Variants in NDST3 observed in about 807,000 individuals in gnomAD.
NDST3 encodes N-deacetylase and N-sulfotransferase 3.
In NDST3, 58 loss-of-function variants were observed where a neutral mutation model predicts 96.1. The observed-to-expected ratio is 0.60, with a 90% CI of 0.49 to 0.75. The LOEUF is 0.75. Among genes scored for constraint, NDST3 ranks in the 30% least tolerant of loss-of-function variants. The probability of loss-of-function intolerance (pLI) is 0.00; values close to 1 mark genes in which losing one functional copy is unlikely to be tolerated. For synonymous variants in NDST3, 333 were observed against 359.7 expected (o/e 0.93, Z 0.84); for missense variants, 788 against 1,034.2 (o/e 0.76, Z 3.27).
intron 6 of NDST3, among the ~76,000 whole-genome samples, chr4:118,174,538 C>A (rs1041956712): frequency 6.6e-6 from 1 of 152,132 alleles, no homozygotes; most frequent in Non-Finnish European, 1.5e-5. Context: ...GAGATCTCAA[C>A]AGTGCTGCCC....
chr4:118,066,458 A>AT lies in NDST3; in HGVS notation c.981+11568dup, dbSNP rs1374369411. Among the ~76,000 whole-genome samples, 2 of 12,222 alleles carry AT rather than the reference A, an allele frequency of 1.6e-4. 1 individual carries two copies. The highest frequency in any genetic ancestry group is 2.5e-4 in the African/African-American group (2 of 8,050). The allele number at this position is 12,222 out of a possible 152,430, so 8.0% of individuals were successfully genotyped here. A position where few individuals can be genotyped will look rare whatever the true frequency, so the allele number is the denominator to read the frequency against. ...ATATATCATATGTTATATATTATAT[A>AT]TACATTATATATGTTATATATTATA... is the stretch of plus-strand genomic sequence containing the variant. On this transcript the variant is annotated intron_variant, in intron 2 of 13. Transcript: ENST00000296499.
At chr4:118,156,007 A>C (rs374775538) in intron 6 of NDST3, among the ~76,000 whole-genome samples, 3 of 152,340 alleles carry the variant, frequency 2.0e-5, no homozygotes, top group African/African-American at 7.2e-5. Context: ...TAATTCCTAC[A>C]TACTAAATAC....
chr4:118,090,110 T>C (rs927607091), intron 2 of NDST3, among the ~76,000 whole-genome samples: 4 of 151,884 alleles, frequency 2.6e-5, no homozygotes, highest in African/African-American at 9.7e-5. Context: ...CCTCACGACA[T>C]TGTCTTAAAG....
intron 6 of NDST3, among the ~76,000 whole-genome samples, chr4:118,144,473 C>A (rs1049129209): frequency 6.6e-6 from 1 of 152,202 alleles, no homozygotes; most frequent in Admixed American, 6.5e-5. Context: ...AGCCACCACG[C>A]CTGGCCGGGC....
At chr4:118,130,248 T>C (rs760422630) in intron 4 of NDST3, among the ~76,000 whole-genome samples, 1 of 152,036 alleles carries the variant, frequency 6.6e-6, no homozygotes, top group African/African-American at 2.4e-5. Flanking sequence ...TCTGGTTGTT[T>C]TGGGGTCGTC....
chr4:118,066,605 ACAT>A, intron 2 of NDST3, among the ~76,000 whole-genome samples: 1 of 61,164 alleles, frequency 1.6e-5, no homozygotes, highest in African/African-American at 6.3e-5. Context: ...TATTATATAT[ACAT>A]TATATATAAC....
At chr4:118,103,111 A>G (rs1317425306) in intron 2 of NDST3, among the ~76,000 whole-genome samples, 1 of 152,160 alleles carries the variant, frequency 6.6e-6, no homozygotes, top group East Asian at 1.9e-4. Context: ...GTAAATGTAC[A>G]TTAAAAATGC....
chr4:118,098,635 A>G (rs1729533380), intron 2 of NDST3, among the ~76,000 whole-genome samples: 1 of 152,190 alleles, frequency 6.6e-6, no homozygotes, highest in Non-Finnish European at 1.5e-5. Context: ...AACAGAAGTA[A>G]CTCAAGATTG....
Position 118,173,354 on chromosome 4 carries a change from C to T in NDST3, c.1539+29670C>T, listed in dbSNP as rs143269360. ...CATTGTGCTTTGTTGATAGACTACCCCTGGCCCATGCTCATAGCCTTAGAT... is the reference window on the plus strand; with the variant it reads ...CATTGTGCTTTGTTGATAGACTACCTCTGGCCCATGCTCATAGCCTTAGAT... On this transcript the variant is annotated intron_variant, in intron 6 of 13. Coordinates refer to ENST00000296499, the MANE Select transcript of NDST3 (RefSeq NM_004784.3). Among the ~76,000 whole-genome samples the T allele has an allele frequency of 1.1e-4, 17 of 152,168 alleles. No homozygotes were observed. In the East Asian group the frequency reaches 3.3e-3, roughly 29 times the overall value.
At chr4:118,247,893 A>G (rs1442929074) in intron 12 of NDST3, among the ~76,000 whole-genome samples, 2 of 152,218 alleles carry the variant, frequency 1.3e-5, no homozygotes, top group African/African-American at 4.8e-5. Context: ...TGGTATTTTG[A>G]TTTTGAAATT....
In NDST3 at chr4:118,054,779, C is replaced by T; in HGVS notation, c.869C>T (p.Ser290Phe). The change falls in exon 2 of 14, where the codon TCC (serine) becomes TTC (phenylalanine). Residue 290 changes from serine to phenylalanine, a missense_variant. Transcript: ENST00000296499. ...LHKLIFIDAI[S>F]FLSGKRLTLS... ...AAGCTCATCTTCATAGATGCCATCT[C>T]CTTCTTATCAGGGAAGAGGCTGACA... The T allele has an allele frequency of 1.6e-5, 26 of 1,613,310 alleles. No individual in the cohort carries two copies. Among genetic ancestry groups the T allele is most frequent in the Non-Finnish European group, 2.2e-5 (26 of 1,179,434 alleles).
chr4:118,138,584 A>G (rs1355161645), intron 5 of NDST3, among the ~76,000 whole-genome samples: 1 of 152,182 alleles, frequency 6.6e-6, no homozygotes, highest in Non-Finnish European at 1.5e-5. Context: ...AACTCTGTCT[A>G]TATTAACCAT....
At chr4:118,141,426 T>C (rs1733563568) in intron 5 of NDST3, among the ~76,000 whole-genome samples, 1 of 152,182 alleles carries the variant, frequency 6.6e-6, no homozygotes, top group South Asian at 2.1e-4. Context: ...AGTGGTCCAC[T>C]GACTCCCGCT....
chr4:118,054,622 G>C lies in NDST3; in HGVS notation c.712G>C (p.Val238Leu), dbSNP rs150229622. The change falls in exon 2 of 14, where the codon GTA becomes CTA. Residue 238 changes from valine (V) to leucine (L), a missense_variant. Physicochemically the swap from Val to Leu is conservative, Grantham distance 32 (BLOSUM62 1). Coordinates refer to ENST00000296499, the MANE Select transcript of NDST3 (RefSeq NM_004784.3). ...CTATCAACCAGTAATATTTGCCAAA[G>C]TAAAGACCCCAGAAAACCTTTCTCC... Reference protein sequence around the residue: ...SAYQPVIFAKVKTPENLSPSI... With the variant: ...SAYQPVIFAKLKTPENLSPSI... The C allele has an allele frequency of 1.2e-6, 2 of 1,613,110 alleles. No individual in the cohort carries two copies. Among genetic ancestry groups the C allele is most frequent in the Non-Finnish European group, 1.7e-6 (2 of 1,179,470 alleles).
At chr4:118,183,953 T>C (rs1295409373) in intron 6 of NDST3, among the ~76,000 whole-genome samples, 2 of 152,156 alleles carry the variant, frequency 1.3e-5, no homozygotes, top group Non-Finnish European at 2.9e-5. Context: ...CACGGGGCAC[T>C]CACTCAAATG....
chr4:118,173,845 A>G (rs996302492), intron 6 of NDST3, among the ~76,000 whole-genome samples: 1 of 152,160 alleles, frequency 6.6e-6, no homozygotes, highest in African/African-American at 2.4e-5. Context: ...TTGCTTTGCT[A>G]TTGTAATACA....
At chr4:118,073,611 CTT>C (rs533881887) in intron 2 of NDST3, among the ~76,000 whole-genome samples, 27 of 152,058 alleles carry the variant, frequency 1.8e-4, no homozygotes, top group Admixed American at 1.6e-3. Flanking sequence ...GATCTTCTCT[CTT>C]TTTCTCTTTA....
At chr4:118,147,258 C>T (rs1045426121) in intron 6 of NDST3, among the ~76,000 whole-genome samples, 2 of 152,112 alleles carry the variant, frequency 1.3e-5, no homozygotes, top group Non-Finnish European at 1.5e-5. Context: ...GTTTTGGAGC[C>T]TGTCGGTCAG....
At chr4:118,122,515 G>A (rs1422006483) in intron 4 of NDST3, among the ~76,000 whole-genome samples, 1 of 151,750 alleles carries the variant, frequency 6.6e-6, no homozygotes, top group African/African-American at 2.4e-5. Context: ...ACCAGCTCCT[G>A]CTCCTTTTCA....
Sources: gnomAD v4.1 joint callset for allele counts (sites outside exome capture counted in the v4.1 genomes callset) on GRCh38, gnomAD v4.1.1 for gene constraint, MANE v1.5 for transcripts, NCBI Gene and HGNC (gene_info 2026-07-23, HGNC 2026-07-21) for gene names.